LOXHD1: variants seen among roughly 807,000 people sequenced by gnomAD.
LOXHD1 encodes the protein lipoxygenase homology domain-containing protein 1.
Under a neutral mutation model 248.2 loss-of-function variants are expected in LOXHD1, and 205 were observed. That is an observed-to-expected ratio of 0.83 (90% CI 0.74 to 0.93). LOXHD1 has a LOEUF of 0.93. Among genes scored for constraint, LOXHD1 ranks in the 40% least tolerant of loss-of-function variants. LOXHD1 has a pLI of 0.00. For missense variants in LOXHD1, 2,930 were observed against 2,971.6 expected, an observed-to-expected ratio of 0.99 and a Z score of 0.33; for synonymous variants, 1,113 against 1,162.8, an observed-to-expected ratio of 0.96 and a Z score of 0.87.
chr18:46,554,233 G>T (rs1439344062), intron 21 of LOXHD1, among the ~76,000 whole-genome samples: 1 of 152,196 alleles, frequency 6.6e-6, no homozygotes, highest in African/African-American at 2.4e-5. Flanking sequence ...GGCCCAACAG[G>T]TTCTGCCAAT....
chr18:46,598,522 T>G (rs551786961), intron 8 of LOXHD1, among the ~76,000 whole-genome samples: 24 of 146,004 alleles, frequency 1.6e-4, no homozygotes, highest in Non-Finnish European at 3.2e-4. Flanking sequence ...AAAAAAAAAC[T>G]GTTATCATTT....
chr18:46,536,343 C>A (rs1360966248), intron 26 of LOXHD1, among the ~76,000 whole-genome samples: 1 of 151,998 alleles, frequency 6.6e-6, no homozygotes, highest in Non-Finnish European at 1.5e-5. Context: ...TCCAGGGTTA[C>A]CGACTCCGCA....
Position 46,560,052 on chromosome 18 carries a change from TCCCCACCCCCA to T in LOXHD1, c.3061+20_3061+30del. ...TTAGGGGAACTGTCTGGCCACTCCC[TCCCCACCCCCA>T]CCCCCCACGACCCACTTACGCTCAG... On this transcript the variant is annotated intron_variant, in intron 19 of 40. Coordinates refer to ENST00000642948, the MANE Select transcript of LOXHD1 (RefSeq NM_001384474.1). 6 of 441,034 alleles carry T rather than the reference TCCCCACCCCCA, an allele frequency of 1.4e-5. No individual in the cohort carries two copies. Among genetic ancestry groups the T allele is most frequent in the Non-Finnish European group, 2.2e-5 (6 of 276,698 alleles). 27.3% of individuals were successfully genotyped at this position (441,034 alleles called of 1,614,324 possible).
At chr18:46,654,658 A>G (rs1320399798) in intron 1 of LOXHD1, among the ~76,000 whole-genome samples, 1 of 152,100 alleles carries the variant, frequency 6.6e-6, no homozygotes, top group East Asian at 1.9e-4. Flanking sequence ...TCCCCATCAC[A>G]CTCATCAAGA....
chr18:46,542,029 T>C, intron 24 of LOXHD1, 89 bp from the exon 25 acceptor site: 1 of 1,288,764 alleles, frequency 7.8e-7, no homozygotes, highest in East Asian at 2.5e-5. Flanking sequence ...ACTTCCTTCC[T>C]TAGGTGGCTG....
chr18:46,505,707 G>A, intron 37 of LOXHD1, 131 bp downstream of exon 37: 1 of 885,540 alleles, frequency 1.1e-6, no homozygotes, highest in South Asian at 1.6e-5. Flanking sequence ...CAATGTGGTG[G>A]TCATCAACTG....
At chr18:46,558,139 G>A in intron 20 of LOXHD1, 2 of 864,616 alleles carry the variant, frequency 2.3e-6, no homozygotes, top group Non-Finnish European at 2.8e-6. Context: ...AAAACTTTCA[G>A]AAATAGTATG....
At chr18:46,495,542 C>A (rs376822636) in intron 37 of LOXHD1, among the ~76,000 whole-genome samples, 57 of 152,262 alleles carry the variant, frequency 3.7e-4, no homozygotes, top group African/African-American at 1.3e-3. Context: ...GTCCCTGTAT[C>A]CACTATTCAA....
intron 10 of LOXHD1, 59 bp downstream of exon 10, chr18:46,593,541 A>T (rs1053127274): frequency 1.2e-5 from 19 of 1,531,256 alleles, no homozygotes; most frequent in Non-Finnish European, 1.6e-5. Flanking sequence ...AATCCCCAGG[A>T]CGAATGCCCT....
At position 46,601,409 on chromosome 18, in the gene LOXHD1, G is replaced by T. The variant is rs1259373213; in HGVS notation, c.942C>A (p.Ser314=). Residue 314 remains serine, a synonymous_variant, in exon 8 of 41, where the codon TCC becomes TCA. Coordinates refer to ENST00000642948, the MANE Select transcript of LOXHD1 (RefSeq NM_001384474.1). The part of the protein sequence containing the change: ...TGDVRGAGTK[S]KIYLVMYGAR... ...CCCCATACATGACCAAGTAGATTTT[G>T]GATTTGGTACCAGCCCCCCGGACAT... The T allele has an allele frequency of 1.7e-5, 26 of 1,551,666 alleles. No individual in the cohort carries two copies. Among genetic ancestry groups the T allele is most frequent in the African/African-American group, 2.7e-5 (2 of 73,130 alleles).
chr18:46,498,166 C>T (rs2033995807), intron 37 of LOXHD1, among the ~76,000 whole-genome samples: 1 of 152,196 alleles, frequency 6.6e-6, no homozygotes, highest in Non-Finnish European at 1.5e-5. Context: ...CACTACTTGA[C>T]ACCAACTTTA....
At position 46,593,377 on chromosome 18, in the gene LOXHD1, T is replaced by G. The variant is rs16939684; in HGVS notation, c.1431+223A>C. 5.0e-3 allele frequency among the ~76,000 whole-genome samples: 756 copies of G among 152,340 alleles called. 9 individuals are homozygous for G. The highest frequency in any genetic ancestry group is 0.016 in the African/African-American group (668 of 41,584). ...TCTTTGCCCAGCCTTGGTTCTGGAC[T>G]GTTTGATTCAGATGAATGGGCCAGA... On this transcript the variant is annotated intron_variant, in intron 10 of 40. Transcript: ENST00000642948.
chr18:46,624,600 A>G (rs1387802651), intron 4 of LOXHD1, among the ~76,000 whole-genome samples: 2 of 152,134 alleles, frequency 1.3e-5, no homozygotes, highest in Non-Finnish European at 2.9e-5. Context: ...CCTCTCAGCC[A>G]GGCTCTCGTC....
At chr18:46,543,535 T>C (rs2036659301) in intron 23 of LOXHD1, among the ~76,000 whole-genome samples, 1 of 152,116 alleles carries the variant, frequency 6.6e-6, no homozygotes, top group Admixed American at 6.5e-5. Flanking sequence ...ATCATCTACA[T>C]TAGTTATTTC....
chr18:46,614,314 C>T (rs556321862), intron 5 of LOXHD1, among the ~76,000 whole-genome samples: 5 of 152,242 alleles, frequency 3.3e-5, no homozygotes, highest in Non-Finnish European at 5.9e-5. Flanking sequence ...GACTTGGAAA[C>T]AACCCAAATG....
chr18:46,623,272 C>G (rs1438115516), intron 4 of LOXHD1, among the ~76,000 whole-genome samples: 1 of 152,224 alleles, frequency 6.6e-6, no homozygotes, highest in Non-Finnish European at 1.5e-5. Context: ...TACATAGTCG[C>G]ATTTGTGCAG....
At chr18:46,556,474 G>A (rs2037334590) in intron 21 of LOXHD1, among the ~76,000 whole-genome samples, 1 of 152,066 alleles carries the variant, frequency 6.6e-6, no homozygotes, top group East Asian at 1.9e-4. Context: ...GGTGACACTA[G>A]GGGCTGCCAA....
intron 4 of LOXHD1, among the ~76,000 whole-genome samples, chr18:46,622,808 G>A (rs530894459): frequency 3.4e-4 from 52 of 152,356 alleles, no homozygotes; most frequent in African/African-American, 1.1e-3. Flanking sequence ...AAGAGGCGGC[G>A]TGGTCTGGGG....
At chr18:46,481,924 CTATTT>C (rs2032608622) in intron 40 of LOXHD1, among the ~76,000 whole-genome samples, 1 of 152,140 alleles carries the variant, frequency 6.6e-6, no homozygotes, top group African/African-American at 2.4e-5. Context: ...GTGAGGGTGA[CTATTT>C]TATTTTGTTT....
Sources: allele counts gnomAD v4.1 joint callset (sites outside exome capture counted in the v4.1 genomes callset), GRCh38; gene constraint gnomAD v4.1.1; transcripts MANE v1.5; gene names NCBI Gene and HGNC (gene_info 2026-07-23, HGNC 2026-07-21).